The following ZFYVE9 variants were observed in gnomAD, a reference collection of about 807,000 sequenced individuals.
The protein encoded by ZFYVE9 is zinc finger FYVE-type containing 9.
Under a neutral mutation model 126.7 loss-of-function variants are expected in ZFYVE9, and 43 were observed. The observed-to-expected ratio is 0.34, with a 90% CI of 0.27 to 0.44. The LOEUF (loss-of-function observed/expected upper bound fraction) is 0.44, where lower values mean the gene tolerates loss of function less well. ZFYVE9 is among the 20% of genes least tolerant of loss of function. The pLI is 1.00. For synonymous variants in ZFYVE9, 521 were observed against 597.4 expected (o/e 0.87, Z 1.87); for missense variants, 1,476 against 1,697.0 (o/e 0.87, Z 2.29).
intron 1 of ZFYVE9, among the ~76,000 whole-genome samples, chr1:52,200,109 T>A (rs778962486): frequency 1.3e-5 from 2 of 152,042 alleles, no homozygotes; most frequent in African/African-American, 2.4e-5. Flanking sequence ...TTTTCAAGTA[T>A]GTTCTCCCAG....
At position 52,293,631 on chromosome 1, in the gene ZFYVE9, A is replaced by T. The variant is rs1645946355; in HGVS notation, c.3204A>T (p.Lys1068Asn). 1 of 1,614,040 alleles carries T rather than the reference A, an allele frequency of 6.2e-7. No homozygotes were observed. Among genetic ancestry groups the T allele is most frequent in the South Asian group, 1.1e-5 (1 of 91,086 alleles). ...LIQKWETPWA[K>N]VFPIRLMLRL... ...AGAAATGGGAAACTCCTTGGGCTAAAGTATTTCCTATCCGTCTGATGTTGA... is the reference window on the plus strand; with the variant it reads ...AGAAATGGGAAACTCCTTGGGCTAATGTATTTCCTATCCGTCTGATGTTGA... The change falls in exon 11 of 19, where the codon AAA (lysine) becomes AAT (asparagine). Residue 1068 changes from lysine to asparagine, a missense_variant. Transcript: ENST00000287727.
At chr1:52,301,634 A>G (rs369539945) in intron 12 of ZFYVE9, among the ~76,000 whole-genome samples, 1 of 152,144 alleles carries the variant, frequency 6.6e-6, no homozygotes, top group African/African-American at 2.4e-5. Flanking sequence ...GCTTTTTAAA[A>G]TTACAAGTTT....
intron 5 of ZFYVE9, among the ~76,000 whole-genome samples, chr1:52,264,721 C>A (rs945926974): frequency 6.6e-6 from 1 of 152,128 alleles, no homozygotes; most frequent in Admixed American, 6.5e-5. Flanking sequence ...GCTCTGAGAC[C>A]CCTCCTGCTC....
chr1:52,225,085 A>G (rs1236881590), intron 2 of ZFYVE9, among the ~76,000 whole-genome samples: 2 of 152,148 alleles, frequency 1.3e-5, no homozygotes, highest in African/African-American at 2.4e-5. Context: ...TCACTCACAC[A>G]CTTTCAACCT....
intron 1 of ZFYVE9, among the ~76,000 whole-genome samples, chr1:52,177,840 G>T (rs1644652633): frequency 6.6e-6 from 1 of 152,086 alleles, no homozygotes; most frequent in South Asian, 2.1e-4. Flanking sequence ...AGTGTGTTAT[G>T]CTAGTTTTGT....
intron 13 of ZFYVE9, among the ~76,000 whole-genome samples, chr1:52,326,926 G>A (rs1424414947): frequency 1.3e-5 from 2 of 152,086 alleles, no homozygotes; most frequent in African/African-American, 4.8e-5. Flanking sequence ...ACTTTGGGAG[G>A]CTGAGGTGGG....
chr1:52,272,671 A>ACCTTTTTTTTT (rs1162973754), intron 7 of ZFYVE9, among the ~76,000 whole-genome samples: 13 of 134,846 alleles, frequency 9.6e-5, no homozygotes, highest in African/African-American at 3.0e-4. Context: ...GCTAGAAATA[A>ACCTTTTTTTTT]TCTTTTTTTT....
chr1:52,237,231 T>C (rs1266014585), intron 3 of ZFYVE9, among the ~76,000 whole-genome samples: 1 of 152,210 alleles, frequency 6.6e-6, no homozygotes, highest in Non-Finnish European at 1.5e-5. Context: ...CATTCACCTG[T>C]GGGTCAGTTT....
chr1:52,332,698 A>C (rs982394319), intron 13 of ZFYVE9, 70 bp from the exon 14 acceptor site: 32 of 1,533,008 alleles, frequency 2.1e-5, no homozygotes, highest in Middle Eastern at 4.4e-4. Context: ...TTTTGAGAAG[A>C]TGGAGTTGCA....
chr1:52,193,961 T>C (rs1411291945), intron 1 of ZFYVE9, among the ~76,000 whole-genome samples: 1 of 152,072 alleles, frequency 6.6e-6, no homozygotes, highest in Admixed American at 6.6e-5. Flanking sequence ...TATTTTAGAA[T>C]TCTATGTGTA....
At position 52,298,806 on chromosome 1, in the gene ZFYVE9, G is replaced by GTTT. The variant is rs747544817; in HGVS notation, c.3333+2848_3333+2850dup. 5.3e-3 allele frequency among the ~76,000 whole-genome samples: 579 copies of GTTT among 109,118 alleles called. 23 individuals are homozygous for GTTT. The highest frequency in any genetic ancestry group is 0.032 in the South Asian group (104 of 3,276). The allele number at this position is 109,118 out of a possible 152,430, so 71.6% of individuals were successfully genotyped here. A position where few individuals can be genotyped will look rare whatever the true frequency, so the allele number is the denominator to read the frequency against. On this transcript the variant is annotated intron_variant, in intron 12 of 18. Coordinates refer to ENST00000287727, the MANE Select transcript of ZFYVE9 (RefSeq NM_004799.4). ...CATGGAATCAGTTTCCTTTGTCAAT[G>GTTT]TTTTTTTTTTTTTTTTTTTTTGAGA...
chr1:52,161,686 C>G (rs1398089902), intron 1 of ZFYVE9, among the ~76,000 whole-genome samples: 1 of 152,058 alleles, frequency 6.6e-6, no homozygotes, highest in African/African-American at 2.4e-5. Flanking sequence ...CTCAAAAATT[C>G]CATTCTTCAA....
chr1:52,191,626 G>A (rs897634573), intron 1 of ZFYVE9, among the ~76,000 whole-genome samples: 3 of 152,220 alleles, frequency 2.0e-5, no homozygotes, highest in Non-Finnish European at 4.4e-5. Flanking sequence ...CCATTTGAAA[G>A]TAGGGAAACT....
intron 13 of ZFYVE9, among the ~76,000 whole-genome samples, chr1:52,321,900 A>G (rs990025803): frequency 3.9e-5 from 6 of 152,204 alleles, no homozygotes; most frequent in Admixed American, 1.3e-4. Context: ...ATTTGCCTCT[A>G]TACATTTCCT....
chr1:52,161,351 G>A (rs1045614692), intron 1 of ZFYVE9, among the ~76,000 whole-genome samples: 24 of 151,998 alleles, frequency 1.6e-4, no homozygotes, highest in Non-Finnish European at 1.5e-5. Context: ...GTGCAGTGGC[G>A]CAATCTCAGC....
intron 3 of ZFYVE9, among the ~76,000 whole-genome samples, chr1:52,237,030 A>G (rs1162365999): frequency 6.6e-6 from 1 of 152,148 alleles, no homozygotes; most frequent in Non-Finnish European, 1.5e-5. Context: ...GCAAATGGGT[A>G]TCTCTCTCAA....
At chr1:52,248,323 C>T (rs752127748) in intron 4 of ZFYVE9, among the ~76,000 whole-genome samples, 12 of 152,166 alleles carry the variant, frequency 7.9e-5, no homozygotes, top group Admixed American at 2.0e-4. Flanking sequence ...ATATAAGCAT[C>T]TGGCAAGGAA....
intron 1 of ZFYVE9, chr1:52,180,667 T>A (rs1644690053): frequency 2.4e-6 from 1 of 410,634 alleles, no homozygotes; most frequent in Admixed American, 3.8e-5. Context: ...GTTTCAAATC[T>A]TTACATTTTA....
At chr1:52,193,561 G>A (rs1644834171) in intron 1 of ZFYVE9, among the ~76,000 whole-genome samples, 1 of 151,574 alleles carries the variant, frequency 6.6e-6, no homozygotes, top group Non-Finnish European at 1.5e-5. Flanking sequence ...ACAAAAATTA[G>A]CTGGGCATGG....
Sources: allele counts gnomAD v4.1 joint callset (sites outside exome capture counted in the v4.1 genomes callset), GRCh38; gene constraint gnomAD v4.1.1; transcripts MANE v1.5; gene names NCBI Gene and HGNC (gene_info 2026-07-23, HGNC 2026-07-21).